Variants in GLDN observed in about 807,000 individuals in gnomAD.
GLDN encodes gliomedin.
GLDN carries 47 observed loss-of-function variants against 56.5 expected under a neutral mutation model. The observed-to-expected ratio is 0.83, with a 90% CI of 0.66 to 1.06. The LOEUF (loss-of-function observed/expected upper bound fraction) is 1.06. GLDN is among the 50% of genes least tolerant of loss of function. The pLI, the probability that GLDN is intolerant of heterozygous loss-of-function variation, is 0.00. For synonymous variants in GLDN, 332 were observed against 278.8 expected (o/e 1.19, Z -1.90); for missense variants, 782 against 714.3 (o/e 1.09, Z -1.08).
intron 1 of GLDN, 57 bp from the exon 2 acceptor site, chr15:51,377,392 G>C (rs1180053412): frequency 7.1e-7 from 1 of 1,400,992 alleles, no homozygotes. Flanking sequence ...CTGAATAAAG[G>C]ATGAGCCCAG....
intron 1 of GLDN, among the ~76,000 whole-genome samples, chr15:51,368,010 A>G (rs2037440225): frequency 6.6e-6 from 1 of 152,184 alleles, no homozygotes; most frequent in Admixed American, 6.5e-5. Flanking sequence ...TAGCTGCAAA[A>G]ATAAAATTAT....
At chr15:51,370,010 G>C (rs1173653004) in intron 1 of GLDN, among the ~76,000 whole-genome samples, 1 of 152,168 alleles carries the variant, frequency 6.6e-6, no homozygotes, top group East Asian at 1.9e-4. Context: ...CAGCTACTTG[G>C]GAGGCTGAGG....
chr15:51,382,338 A>G (rs909212346), intron 2 of GLDN, among the ~76,000 whole-genome samples: 2 of 152,098 alleles, frequency 1.3e-5, no homozygotes, highest in Admixed American at 1.3e-4. Context: ...TGTGAACACA[A>G]CAGGATACAG....
chr15:51,387,804 A>G (rs889252905), intron 4 of GLDN, among the ~76,000 whole-genome samples: 6 of 152,146 alleles, frequency 3.9e-5, no homozygotes, highest in Non-Finnish European at 5.9e-5. Context: ...TGTGCCCTCT[A>G]GCAACAACCT....
intron 1 of GLDN, among the ~76,000 whole-genome samples, chr15:51,363,418 A>C (rs553743323): frequency 1.3e-4 from 20 of 152,230 alleles, no homozygotes; most frequent in Non-Finnish European, 2.6e-4. Context: ...TTGCTGATGA[A>C]AACATCGGTA....
At chr15:51,345,882 G>T (rs2036969396) in intron 1 of GLDN, among the ~76,000 whole-genome samples, 1 of 152,142 alleles carries the variant, frequency 6.6e-6, no homozygotes. Context: ...AATTCAGTGG[G>T]AAACAAGGTA....
In GLDN at chr15:51,407,715, C is replaced by A. The variant is rs1045193402; in HGVS notation, c.*2961C>A. 1 of 152,216 alleles carries A rather than the reference C, an allele frequency of 6.6e-6. No individual in the cohort carries two copies. Among genetic ancestry groups the A allele is most frequent in the African/African-American group, 2.4e-5 (1 of 41,458 alleles). The allele number at this position is 152,216 out of a possible 1,614,324, so 9.4% of individuals were successfully genotyped here. A position where few individuals can be genotyped will look rare whatever the true frequency, so the allele number is the denominator to read the frequency against. On this transcript the variant is annotated 3_prime_UTR_variant, in exon 10 of 10. Transcript: ENST00000335449. ...GGAGTTCTGATCTTAGGCATCTTAACAGTCACAAGGTGAAAAGTCAAATGA... is the reference window on the plus strand; with the variant it reads ...GGAGTTCTGATCTTAGGCATCTTAAAAGTCACAAGGTGAAAAGTCAAATGA...
chr15:51,397,627 C>G, intron 6 of GLDN, 29 bp downstream of exon 6: 5 of 1,529,372 alleles, frequency 3.3e-6, no homozygotes, highest in Non-Finnish European at 4.4e-6. Context: ...CGGGGCCCAC[C>G]TCTTCTGTCA....
chr15:51,402,155 T>C (rs1045778695), intron 9 of GLDN, among the ~76,000 whole-genome samples: 1 of 152,226 alleles, frequency 6.6e-6, no homozygotes, highest in Non-Finnish European at 1.5e-5. Flanking sequence ...GCTGAGATCA[T>C]TGAAGACTGG....
chr15:51,409,187 C>A (rs569754893), downstream of GLDN, among the ~76,000 whole-genome samples: 1 of 150,804 alleles, frequency 6.6e-6, no homozygotes. Context: ...GCTGTCACAA[C>A]GCCAAAAAAA....
chr15:51,402,789 C>T (rs563258345), intron 9 of GLDN, among the ~76,000 whole-genome samples: 77 of 152,302 alleles, frequency 5.1e-4, no homozygotes, highest in African/African-American at 1.6e-3. Flanking sequence ...CGGACACTGG[C>T]GTCAGCCGCG....
At position 51,397,450 on chromosome 15, in the gene GLDN, TTC is replaced by T. The variant is rs748196701; in HGVS notation, c.689-5_689-4del. ...CTACCTCTTGCCTCCTTCTCTCCCTTTCTCTCTCTCTCTCTCCAGGTGCCAAA... is the reference window on the plus strand; with the variant it reads ...CTACCTCTTGCCTCCTTCTCTCCCTTTCTCTCTCTCTCTCCAGGTGCCAAA... On this transcript the variant is annotated intron_variant, in intron 5 of 9. Transcript: ENST00000335449. The T allele has an allele frequency of 7.3e-3, 7,459 of 1,021,984 alleles. No individual in the cohort carries two copies. Among genetic ancestry groups the T allele is most frequent in the South Asian group, 0.018 (805 of 44,216 alleles). The allele number at this position is 1,021,984 out of a possible 1,614,324, so 63.3% of individuals were successfully genotyped here.
chr15:51,369,910 G>T (rs2037480510), intron 1 of GLDN, among the ~76,000 whole-genome samples: 2 of 152,144 alleles, frequency 1.3e-5, no homozygotes, highest in Admixed American at 1.3e-4. Flanking sequence ...GAACCAAGGA[G>T]TTCAAGACCA....
chr15:51,387,682 G>A (rs2037928556), intron 4 of GLDN, among the ~76,000 whole-genome samples: 1 of 152,182 alleles, frequency 6.6e-6, no homozygotes. Context: ...CCAGGCAGGG[G>A]TGGCATAGGA....
chr15:51,347,166 A>T (rs569817330), intron 1 of GLDN, among the ~76,000 whole-genome samples: 1 of 152,366 alleles, frequency 6.6e-6, no homozygotes, highest in Admixed American at 6.5e-5. Flanking sequence ...GATTAAAAAA[A>T]TTTAATAGGA....
At position 51,341,890 on chromosome 15, in the gene GLDN, T is replaced by C; in HGVS notation, c.206T>C (p.Leu69Pro). ...QREDSALRSF[L>P]AELSRAPRGA... ...GAGGACAGTGCCCTGCGCTCCTTCC[T>C]GGCCGAGTTGAGCCGCGCGCCGCGC... The change falls in exon 1 of 10, where the codon CTG becomes CCG. Residue 69 changes from leucine (L) to proline (P), a missense_variant. Coordinates refer to ENST00000335449, the MANE Select transcript of GLDN (RefSeq NM_181789.4). The C allele has an allele frequency of 6.3e-7, 1 of 1,583,466 alleles. No homozygotes were observed. Among genetic ancestry groups the C allele is most frequent in the Non-Finnish European group, 8.5e-7 (1 of 1,172,764 alleles).
intron 1 of GLDN, among the ~76,000 whole-genome samples, chr15:51,343,814 G>A (rs1364904250): frequency 3.9e-5 from 6 of 152,178 alleles, no homozygotes; most frequent in African/African-American, 1.4e-4. Context: ...GGAATCAGCT[G>A]GAAGCATATT....
At chr15:51,397,737 A>G (rs561699286) in intron 6 of GLDN, 139 bp downstream of exon 6, 2 of 1,137,914 alleles carry the variant, frequency 1.8e-6, no homozygotes, top group South Asian at 3.0e-5. Context: ...CCTTCTTGCA[A>G]ACTTCTCACA....
At chr15:51,350,380 G>A (rs976797482) in intron 1 of GLDN, among the ~76,000 whole-genome samples, 6 of 152,180 alleles carry the variant, frequency 3.9e-5, no homozygotes, top group Non-Finnish European at 5.9e-5. Flanking sequence ...GAGATTAGAG[G>A]CCTGATACAG....
Sources: gnomAD v4.1 joint callset for allele counts (sites outside exome capture counted in the v4.1 genomes callset) on GRCh38, gnomAD v4.1.1 for gene constraint, MANE v1.5 for transcripts, NCBI Gene and HGNC (gene_info 2026-07-23, HGNC 2026-07-21) for gene names.